TTC6: variants seen among roughly 807,000 people sequenced by gnomAD.
TTC6 encodes the protein tetratricopeptide repeat protein 6.
A neutral mutation model predicts 210.4 loss-of-function variants in TTC6; 172 were observed. The observed-to-expected ratio is 0.82, with a 90% CI of 0.72 to 0.93. The LOEUF is 0.93. Ranked by LOEUF, TTC6 falls within the 40% of genes least tolerant of loss-of-function variation. The probability of loss-of-function intolerance (pLI) is 0.00; values close to 1 mark genes in which losing one functional copy is unlikely to be tolerated. For synonymous variants in TTC6, 804 were observed against 819.6 expected, an observed-to-expected ratio of 0.98 and a Z score of 0.32; for missense variants, 2,414 against 2,318.1, an observed-to-expected ratio of 1.04 and a Z score of -0.85.
At chr14:37,823,777 C>G in exon 27 of TTC6, 11 of 1,613,836 alleles carry the variant, frequency 6.8e-6, no homozygotes, top group Non-Finnish European at 9.3e-6. Flanking sequence ...CTGTCAATTT[C>G]TTTACTTGGG....
intron 1 of TTC6, among the ~76,000 whole-genome samples, chr14:37,670,148 G>A (rs891453709): frequency 2.0e-5 from 3 of 152,032 alleles, no homozygotes; most frequent in African/African-American, 7.2e-5. Flanking sequence ...GTTTGTTAGG[G>A]GACTTACAGA....
intron 5 of TTC6, among the ~76,000 whole-genome samples, chr14:37,714,337 A>G (rs2095849100): frequency 6.6e-6 from 1 of 151,888 alleles, no homozygotes; most frequent in Non-Finnish European, 1.5e-5. Context: ...AATGGGGAGT[A>G]GGTGAGAGAT....
At chr14:37,667,200 G>A (rs2095749844) in intron 1 of TTC6, among the ~76,000 whole-genome samples, 1 of 150,174 alleles carries the variant, frequency 6.7e-6, no homozygotes, top group African/African-American at 2.4e-5. Flanking sequence ...CCCTGCTTGG[G>A]ACAGGGAGAT....
In TTC6 at chr14:37,821,126, G is replaced by A. The variant is rs538541697; in HGVS notation, c.4764-2621G>A. Among the ~76,000 whole-genome samples, 11 of 150,754 alleles carry A rather than the reference G, an allele frequency of 7.3e-5. No homozygotes were observed. In the South Asian group the frequency reaches 2.3e-3, roughly 32 times the overall value. On this transcript the variant is annotated intron_variant, in intron 26 of 30. Coordinates refer to ENST00000553443, the Ensembl canonical transcript of TTC6. ...TCTGTTGCCCAGGCTGGAGTACAAT[G>A]GCATGATCTTGGCTCACTGCAACCT...
intron 10 of TTC6, among the ~76,000 whole-genome samples, chr14:37,743,373 C>G (rs949969194): frequency 6.6e-6 from 1 of 152,150 alleles, no homozygotes; most frequent in African/African-American, 2.4e-5. Context: ...CTTTTTACAT[C>G]CTTCTAGAAA....
At chr14:37,713,735 C>G (rs935168380) in intron 5 of TTC6, among the ~76,000 whole-genome samples, 9 of 152,152 alleles carry the variant, frequency 5.9e-5, no homozygotes, top group African/African-American at 9.7e-5. Flanking sequence ...CTTCTTCAGC[C>G]TGCCTCTGAG....
At chr14:37,701,993 G>A (rs558909468) in intron 5 of TTC6, among the ~76,000 whole-genome samples, 1 of 152,128 alleles carries the variant, frequency 6.6e-6, no homozygotes, top group Admixed American at 6.5e-5. Flanking sequence ...CCTTCTCCTT[G>A]GGTCTCACCT....
At chr14:37,606,307 T>C (rs1190649248) in intron 1 of TTC6, among the ~76,000 whole-genome samples, 1 of 152,204 alleles carries the variant, frequency 6.6e-6, no homozygotes, top group Non-Finnish European at 1.5e-5. Context: ...TACTTCTCTT[T>C]AGGCCACGTT....
intron 17 of TTC6, among the ~76,000 whole-genome samples, chr14:37,793,541 A>T (rs1169028952): frequency 6.6e-6 from 1 of 152,104 alleles, no homozygotes; most frequent in African/African-American, 2.4e-5. Context: ...GGAGGTAGGG[A>T]CCTAGGGCAG....
chr14:37,597,552 A>T (rs1467739527), intron 1 of TTC6, among the ~76,000 whole-genome samples: 1 of 152,124 alleles, frequency 6.6e-6, no homozygotes, highest in African/African-American at 2.4e-5. Context: ...TTCAAAAAAA[A>T]AAAATTGACT....
At chr14:37,726,830 G>T (rs1053115419) in intron 7 of TTC6, among the ~76,000 whole-genome samples, 38 of 152,110 alleles carry the variant, frequency 2.5e-4, no homozygotes, top group Admixed American at 9.2e-4. Context: ...AGTAAGCTAT[G>T]TATTTAGTTG....
intron 1 of TTC6, among the ~76,000 whole-genome samples, chr14:37,678,937 G>A (rs2095776569): frequency 6.6e-6 from 1 of 152,082 alleles, no homozygotes; most frequent in South Asian, 2.1e-4. Flanking sequence ...ATTTCATGTA[G>A]GCCAGGCACA....
chr14:37,761,212 G>C (rs2139104031), intron 14 of TTC6, among the ~76,000 whole-genome samples: 1 of 152,060 alleles, frequency 6.6e-6, no homozygotes, highest in East Asian at 2.0e-4. Context: ...TATCTAGGCT[G>C]GGTAGCATAG....
At chr14:37,701,307 G>A (rs1442388158) in intron 4 of TTC6, 25 bp from the exon 7 acceptor site, 3 of 1,351,158 alleles carry the variant, frequency 2.2e-6, no homozygotes, top group South Asian at 4.0e-5. Flanking sequence ...GATGAAAGGA[G>A]CTCACTTTCT....
chr14:37,754,766 C>T (rs893164044), intron 14 of TTC6, among the ~76,000 whole-genome samples: 5 of 152,072 alleles, frequency 3.3e-5, no homozygotes, highest in African/African-American at 1.2e-4. Flanking sequence ...GCATAGTATT[C>T]CATGGTGTAT....
At position 37,841,540 on chromosome 14, in the gene TTC6, T is replaced by C. The variant is rs766131589; in HGVS notation, c.5394T>C (p.Tyr1798=). 8 of 1,604,488 alleles carry C rather than the reference T, an allele frequency of 5.0e-6. No individual in the cohort carries two copies. In the South Asian group the frequency reaches 8.0e-5, roughly 16 times the overall value. ...TTACAAATACAATATTAAAGAAATATGAAGAAGCAAAAGAAGATTTTGCAA... is the reference window on the plus strand; with the variant it reads ...TTACAAATACAATATTAAAGAAATACGAAGAAGCAAAAGAAGATTTTGCAA... The change falls in exon 30 of 31, where the codon TAT becomes TAC. Residue 1798 remains tyrosine, a synonymous_variant. Coordinates refer to ENST00000553443, the Ensembl canonical transcript of TTC6.
intron 29 of TTC6, among the ~76,000 whole-genome samples, chr14:37,838,938 A>G (rs941778890): frequency 6.6e-6 from 1 of 152,214 alleles, no homozygotes; most frequent in Non-Finnish European, 1.5e-5. Flanking sequence ...TTTGCTGAGA[A>G]TGATGGTTTC....
At chr14:37,709,902 C>A (rs1566903007) in intron 5 of TTC6, among the ~76,000 whole-genome samples, 2 of 152,010 alleles carry the variant, frequency 1.3e-5, no homozygotes, top group Non-Finnish European at 2.9e-5. Context: ...AAGCTTTTTC[C>A]AGACCTTGGC....
At chr14:37,693,407 T>C (rs1267329291) in intron 3 of TTC6, among the ~76,000 whole-genome samples, 1 of 152,148 alleles carries the variant, frequency 6.6e-6, no homozygotes, top group Non-Finnish European at 1.5e-5. Context: ...GTTCATGGAT[T>C]GGAAGAACCA....
Sources: gnomAD v4.1 joint callset for allele counts (sites outside exome capture counted in the v4.1 genomes callset) on GRCh38, gnomAD v4.1.1 for gene constraint, MANE v1.5 for transcripts, NCBI Gene and HGNC (gene_info 2026-07-23, HGNC 2026-07-21) for gene names.